TNFSF4: variants seen among roughly 807,000 people sequenced by gnomAD.
The protein encoded by TNFSF4 is tumor necrosis factor ligand superfamily member 4.
TNFSF4 carries 4 observed loss-of-function variants against 7.3 expected under a neutral mutation model. The observed-to-expected ratio is 0.55, with a 90% confidence interval of 0.27 to 1.25. TNFSF4 has a LOEUF of 1.25. TNFSF4 is among the 50% of genes most tolerant of loss of function. TNFSF4 has a pLI of 0.12. For synonymous variants in TNFSF4, 76 were observed against 83.7 expected, an observed-to-expected ratio of 0.91 and a Z score of 0.50; for missense variants, 181 against 208.8, an observed-to-expected ratio of 0.87 and a Z score of 0.82.
chr1:173,393,577 T>G, the TNFSF4 span, among the ~76,000 whole-genome samples: 1 of 152,246 alleles, frequency 6.6e-6, no homozygotes, highest in Non-Finnish European at 1.5e-5. Context: ...CACCTTGAGA[T>G]TCTGCTACAC....
downstream of TNFSF4, among the ~76,000 whole-genome samples, chr1:173,180,517 C>T (rs1442008325): frequency 6.6e-6 from 1 of 152,052 alleles, no homozygotes; most frequent in Non-Finnish European, 1.5e-5. Flanking sequence ...CAAATTGACA[C>T]CCTAGAAATG....
At chr1:173,193,477 T>C (rs1333090707) in intron 1 of TNFSF4, among the ~76,000 whole-genome samples, 3 of 152,194 alleles carry the variant, frequency 2.0e-5, no homozygotes, top group Non-Finnish European at 4.4e-5. Flanking sequence ...CATTATATTT[T>C]GCATATGAAG....
the TNFSF4 span, chr1:173,174,452 AT>A: frequency 6.6e-6 from 1 of 152,198 alleles, no homozygotes; most frequent in Non-Finnish European, 1.5e-5. Context: ...TCATGCTGCT[AT>A]AAAGAACTGC....
chr1:173,325,516 A>T, the TNFSF4 span, among the ~76,000 whole-genome samples: 1 of 152,196 alleles, frequency 6.6e-6, no homozygotes, highest in East Asian at 1.9e-4. Flanking sequence ...AACTAAAATC[A>T]GAGCAGAACT....
the TNFSF4 span, among the ~76,000 whole-genome samples, chr1:173,230,304 C>G: frequency 6.6e-6 from 1 of 152,218 alleles, no homozygotes; most frequent in African/African-American, 2.4e-5. Context: ...TACATGTAAA[C>G]TGAACAACCT....
the TNFSF4 span, among the ~76,000 whole-genome samples, chr1:173,375,705 AG>A: frequency 2.0e-5 from 3 of 152,190 alleles, no homozygotes; most frequent in Non-Finnish European, 2.9e-5. Flanking sequence ...GACTGAAAAA[AG>A]GGCACTCTGA....
the TNFSF4 span, among the ~76,000 whole-genome samples, chr1:173,272,846 A>G: frequency 6.6e-6 from 1 of 152,092 alleles, no homozygotes; most frequent in Admixed American, 6.6e-5. Context: ...TTCATCTCCT[A>G]TTACAGTGCT....
At chr1:173,353,116 G>A in the TNFSF4 span, among the ~76,000 whole-genome samples, 1 of 152,060 alleles carries the variant, frequency 6.6e-6, no homozygotes, top group South Asian at 2.1e-4. Context: ...CACGCTTTAT[G>A]AACAATTTGT....
At chr1:173,436,065 G>A in the TNFSF4 span, among the ~76,000 whole-genome samples, 2 of 152,190 alleles carry the variant, frequency 1.3e-5, no homozygotes, top group African/African-American at 2.4e-5. Context: ...AAGGAGCAGA[G>A]AAGAACATCT....
chr1:173,415,641 G>C, the TNFSF4 span, among the ~76,000 whole-genome samples: 1 of 152,238 alleles, frequency 6.6e-6, no homozygotes, highest in Non-Finnish European at 1.5e-5. Flanking sequence ...TCTCAGCTCT[G>C]CGACGTTAGG....
chr1:173,416,248 A>G, the TNFSF4 span, among the ~76,000 whole-genome samples: 1 of 152,146 alleles, frequency 6.6e-6, no homozygotes, highest in African/African-American at 2.4e-5. Context: ...CCAATATGTC[A>G]CAGATCTCTG....
chr1:173,262,598 CTTTTTTTTTT>C, the TNFSF4 span, among the ~76,000 whole-genome samples: 1 of 105,042 alleles, frequency 9.5e-6, no homozygotes, highest in Non-Finnish European at 1.9e-5. Flanking sequence ...CCAAAAGATT[CTTTTTTTTTT>C]TTTTTTTTTT....
chr1:173,222,348 C>T, the TNFSF4 span, among the ~76,000 whole-genome samples: 1 of 152,022 alleles, frequency 6.6e-6, no homozygotes, highest in Non-Finnish European at 1.5e-5. Flanking sequence ...TCTGAAATGA[C>T]AAAGGGAAAA....
At chr1:173,313,695 G>T in the TNFSF4 span, among the ~76,000 whole-genome samples, 1 of 151,974 alleles carries the variant, frequency 6.6e-6, no homozygotes, top group Non-Finnish European at 1.5e-5. Flanking sequence ...ACTATCGATA[G>T]TTCTCTTAAT....
At chr1:173,257,499 AC>A in the TNFSF4 span, among the ~76,000 whole-genome samples, 1 of 152,246 alleles carries the variant, frequency 6.6e-6, no homozygotes, top group Non-Finnish European at 1.5e-5. Context: ...CTCACTTCTG[AC>A]CAACGGGTTA....
At chr1:173,190,193 A>T (rs1183619426) in intron 1 of TNFSF4, among the ~76,000 whole-genome samples, 1 of 152,062 alleles carries the variant, frequency 6.6e-6, no homozygotes, top group Non-Finnish European at 1.5e-5. Context: ...ACATAGGGAG[A>T]CTCCATCTCA....
At chr1:173,370,480 G>T in the TNFSF4 span, among the ~76,000 whole-genome samples, 9 of 152,114 alleles carry the variant, frequency 5.9e-5, no homozygotes, top group Non-Finnish European at 1.3e-4. Flanking sequence ...TTAGGAAAAA[G>T]CCCATTAATT....
chr1:173,384,103 A>G, the TNFSF4 span, among the ~76,000 whole-genome samples: 1 of 152,180 alleles, frequency 6.6e-6, no homozygotes, highest in East Asian at 1.9e-4. Flanking sequence ...CCTACACTTA[A>G]CTGGTTTTCA....
the TNFSF4 span, among the ~76,000 whole-genome samples, chr1:173,391,184 C>G: frequency 6.6e-6 from 1 of 151,982 alleles, no homozygotes; most frequent in Non-Finnish European, 1.5e-5. Flanking sequence ...TTCAGACAAT[C>G]ATGCCATCAG....
Sources: allele counts gnomAD v4.1 joint callset (sites outside exome capture counted in the v4.1 genomes callset), GRCh38; gene constraint gnomAD v4.1.1; transcripts MANE v1.5; gene names NCBI Gene and HGNC (gene_info 2026-07-23, HGNC 2026-07-21).